KAZN: variants seen among roughly 807,000 people sequenced by gnomAD.
KAZN encodes kazrin, periplakin interacting protein, also known as kazrin.
KAZN carries 40 observed loss-of-function variants against 87.4 expected under a neutral mutation model. The ratio of observed to expected loss-of-function variants is 0.46; its 90% confidence interval spans 0.36 to 0.60. KAZN has a LOEUF of 0.60. Ranked by LOEUF, KAZN falls within the 20% of genes least tolerant of loss-of-function variation. The pLI, the probability that KAZN is intolerant of heterozygous loss-of-function variation, is 0.00. For synonymous variants in KAZN, 466 were observed against 458.3 expected, an observed-to-expected ratio of 1.02 and a Z score of -0.22; for missense variants, 898 against 1,073.9, an observed-to-expected ratio of 0.84 and a Z score of 2.29.
intron 2 of KAZN, among the ~76,000 whole-genome samples, chr1:15,033,333 C>T (rs1300518606): frequency 2.6e-5 from 4 of 152,166 alleles, no homozygotes; most frequent in East Asian, 1.9e-4. Context: ...GGTGGACTTT[C>T]GAGTTATTTT....
chr1:14,378,871 T>C (rs542735814), intron 2 of KAZN, among the ~76,000 whole-genome samples: 5 of 151,890 alleles, frequency 3.3e-5, no homozygotes, highest in Non-Finnish European at 7.4e-5. Context: ...TCAGAACCAA[T>C]GGACTTGGGG....
intron 1 of KAZN, among the ~76,000 whole-genome samples, chr1:14,809,277 C>A (rs1646329495): frequency 1.3e-5 from 2 of 152,168 alleles, no homozygotes. Context: ...CTGTGTGATG[C>A]AGAGGTGTCT....
intron 2 of KAZN, among the ~76,000 whole-genome samples, chr1:14,246,461 G>A (rs1423574479): frequency 6.6e-6 from 1 of 152,006 alleles, no homozygotes; most frequent in Non-Finnish European, 1.5e-5. Flanking sequence ...CATAAATGTT[G>A]CAAAATTGTA....
chr1:14,055,050 T>C (rs923230028), intron 1 of KAZN, among the ~76,000 whole-genome samples: 2 of 152,186 alleles, frequency 1.3e-5, no homozygotes, highest in Admixed American at 1.3e-4. Context: ...GGTCCTTATC[T>C]TCACCTTCCA....
At chr1:14,717,152 G>A (rs1642836629) in intron 1 of KAZN, among the ~76,000 whole-genome samples, 1 of 150,936 alleles carries the variant, frequency 6.6e-6, no homozygotes, top group South Asian at 2.2e-4. Flanking sequence ...GCAGCCTACA[G>A]CATTATTGTC....
intron 1 of KAZN, among the ~76,000 whole-genome samples, chr1:14,768,627 G>A (rs114201362): frequency 0.021 from 3,134 of 152,288 alleles, 87 homozygotes; most frequent in African/African-American, 0.059. Flanking sequence ...GGCACAGTTT[G>A]AGCATTTGCT....
rs1640902360 is a variant in KAZN, at chr1:14,022,714, C to G, written c.91+128958C>G. ...ACAGAGCTGTTCTCTTTACATCTCT[C>G]CATGATTGTACCATTTCCCATCATG... is the stretch of plus-strand genomic sequence containing the variant. On this transcript the variant is annotated intron_variant, in intron 1 of 16. Coordinates refer to the KAZN transcript ENST00000636203. 2.0e-5 allele frequency among the ~76,000 whole-genome samples: 3 copies of G among 151,972 alleles called. No homozygotes were observed. In the South Asian group the frequency reaches 6.2e-4, roughly 31 times the overall value.
At chr1:15,014,737 T>C (rs1669907665) in intron 2 of KAZN, among the ~76,000 whole-genome samples, 1 of 152,154 alleles carries the variant, frequency 6.6e-6, no homozygotes, top group Non-Finnish European at 1.5e-5. Flanking sequence ...CTGCAGGCAA[T>C]TCTAAAGGGA....
At chr1:14,847,304 A>C (rs1051227749) in intron 1 of KAZN, among the ~76,000 whole-genome samples, 1 of 152,212 alleles carries the variant, frequency 6.6e-6, no homozygotes, top group Non-Finnish European at 1.5e-5. Context: ...CCACAAGCTC[A>C]GGGGCGACAG....
At chr1:15,054,235 C>T (rs1674700860) in intron 4 of KAZN, among the ~76,000 whole-genome samples, 1 of 152,036 alleles carries the variant, frequency 6.6e-6, no homozygotes, top group African/African-American at 2.4e-5. Context: ...GCAAAGCCAG[C>T]ACTCACAGTG....
chr1:14,388,239 G>A (rs1427202658), intron 2 of KAZN, among the ~76,000 whole-genome samples: 5 of 152,082 alleles, frequency 3.3e-5, no homozygotes, highest in African/African-American at 4.8e-5. Context: ...AGATGAACCC[G>A]GTACCTCAGA....
chr1:14,625,114 C>T (rs1463165279), intron 1 of KAZN, among the ~76,000 whole-genome samples: 3 of 152,188 alleles, frequency 2.0e-5, no homozygotes, highest in East Asian at 1.9e-4. Context: ...CCCGACACCG[C>T]GTAGTCATCA....
chr1:14,994,150 T>C (rs1667641908), intron 2 of KAZN, among the ~76,000 whole-genome samples: 1 of 152,150 alleles, frequency 6.6e-6, no homozygotes, highest in African/African-American at 2.4e-5. Flanking sequence ...CAGCAGGGCC[T>C]GTGAATTGGG....
intron 2 of KAZN, among the ~76,000 whole-genome samples, chr1:14,466,699 T>G (rs956241532): frequency 1.3e-5 from 2 of 149,126 alleles, no homozygotes; most frequent in Non-Finnish European, 1.5e-5. Flanking sequence ...CCAGGCGCGG[T>G]GGCTCACGCC....
chr1:14,994,952 A>T (rs951233785), intron 2 of KAZN, among the ~76,000 whole-genome samples: 3 of 152,246 alleles, frequency 2.0e-5, no homozygotes, highest in Non-Finnish European at 4.4e-5. Context: ...AGCATGGAGT[A>T]GGCCGTGGGC....
At chr1:14,153,750 C>T (rs1293602039) in intron 1 of KAZN, among the ~76,000 whole-genome samples, 2 of 146,206 alleles carry the variant, frequency 1.4e-5, no homozygotes, top group Middle Eastern at 3.6e-3. Flanking sequence ...TGCACTCCAG[C>T]CTGGGCAATA....
intron 1 of KAZN, among the ~76,000 whole-genome samples, chr1:14,039,035 G>T (rs569034382): frequency 6.6e-6 from 1 of 152,054 alleles, no homozygotes; most frequent in African/African-American, 2.4e-5. Context: ...GCTGGGCATG[G>T]TGGTGTGTGC....
intron 2 of KAZN, among the ~76,000 whole-genome samples, chr1:14,467,470 A>G (rs1040957136): frequency 2.0e-5 from 3 of 152,078 alleles, no homozygotes; most frequent in Admixed American, 6.5e-5. Context: ...GCAGATGTCA[A>G]TTATATCCTA....
intron 2 of KAZN, among the ~76,000 whole-genome samples, chr1:14,582,300 G>T (rs1675604746): frequency 6.6e-6 from 1 of 152,144 alleles, no homozygotes; most frequent in African/African-American, 2.4e-5. Flanking sequence ...CTAAGGATTT[G>T]CCATCTTAAA....
Sources: allele counts gnomAD v4.1 joint callset (sites outside exome capture counted in the v4.1 genomes callset), GRCh38; gene constraint gnomAD v4.1.1; transcripts MANE v1.5; gene names NCBI Gene and HGNC (gene_info 2026-07-23, HGNC 2026-07-21).